The following STAG1 variants were observed in gnomAD, a reference collection of about 807,000 sequenced individuals.
STAG1 encodes cohesin subunit SA-1.
STAG1 carries 26 observed loss-of-function variants against 170.9 expected under a neutral mutation model. The observed-to-expected ratio is 0.15, with a 90% confidence interval of 0.11 to 0.21. The LOEUF (loss-of-function observed/expected upper bound fraction) is 0.21. Ranked by LOEUF, STAG1 falls within the 10% of genes least tolerant of loss-of-function variation. The pLI, the probability that STAG1 is intolerant of heterozygous loss-of-function variation, is 1.00. For synonymous variants in STAG1, 514 were observed against 497.7 expected, an observed-to-expected ratio of 1.03 and a Z score of -0.44; for missense variants, 964 against 1,509.5, an observed-to-expected ratio of 0.64 and a Z score of 5.99.
chr3:136,599,813 A>G (rs935145822), intron 4 of STAG1, among the ~76,000 whole-genome samples: 2 of 152,164 alleles, frequency 1.3e-5, no homozygotes, highest in Non-Finnish European at 2.9e-5. Context: ...CTCCTGTTCC[A>G]TATCTTGTTT....
chr3:136,440,244 T>C (rs1247988343), intron 15 of STAG1, among the ~76,000 whole-genome samples: 1 of 152,060 alleles, frequency 6.6e-6, no homozygotes, highest in Non-Finnish European at 1.5e-5. Context: ...TTTACACCAT[T>C]CTCCTGCCTC....
intron 4 of STAG1, among the ~76,000 whole-genome samples, chr3:136,581,493 T>C (rs1937589688): frequency 6.6e-6 from 1 of 152,164 alleles, no homozygotes; most frequent in Admixed American, 6.5e-5. Flanking sequence ...GAAACGCAAA[T>C]AGACCATTTT....
intron 29 of STAG1, among the ~76,000 whole-genome samples, chr3:136,347,217 GAA>G (rs1936260165): frequency 6.6e-6 from 1 of 151,528 alleles, no homozygotes; most frequent in South Asian, 2.1e-4. Flanking sequence ...CCAACATGGT[GAA>G]CCCCTATCTC....
intron 1 of STAG1, among the ~76,000 whole-genome samples, chr3:136,643,434 G>A (rs1036569472): frequency 1.3e-5 from 2 of 152,204 alleles, no homozygotes; most frequent in Non-Finnish European, 2.9e-5. Flanking sequence ...TATTTCTAAG[G>A]AGGTGACACT....
At chr3:136,521,641 C>A (rs1268332807) in intron 6 of STAG1, among the ~76,000 whole-genome samples, 4 of 152,132 alleles carry the variant, frequency 2.6e-5, no homozygotes, top group African/African-American at 9.7e-5. Context: ...GAACCAGCAT[C>A]TACTTTATTG....
chr3:136,504,026 C>A (rs756181862), intron 7 of STAG1, among the ~76,000 whole-genome samples: 2 of 152,032 alleles, frequency 1.3e-5, no homozygotes, highest in Non-Finnish European at 2.9e-5. Context: ...CATGAGCCAC[C>A]GCACCCGGCC....
chr3:136,365,258 G>T (rs1381568176), intron 25 of STAG1, among the ~76,000 whole-genome samples: 1 of 152,146 alleles, frequency 6.6e-6, no homozygotes, highest in African/African-American at 2.4e-5. Flanking sequence ...TATAAAAAGG[G>T]TAGGATAAAC....
intron 1 of STAG1, among the ~76,000 whole-genome samples, chr3:136,733,678 AG>A (rs1934169285): frequency 6.6e-6 from 1 of 152,216 alleles, no homozygotes; most frequent in African/African-American, 2.4e-5. Context: ...TGAACACATG[AG>A]ATTTTTAACT....
chr3:136,402,111 A>C (rs2087344191), intron 21 of STAG1, among the ~76,000 whole-genome samples: 1 of 152,244 alleles, frequency 6.6e-6, no homozygotes, highest in African/African-American at 2.4e-5. Context: ...GATAAACTAC[A>C]AACCATAAAG....
chr3:136,572,576 C>G (rs1256321978), intron 4 of STAG1, among the ~76,000 whole-genome samples: 1 of 138,906 alleles, frequency 7.2e-6, no homozygotes, highest in Non-Finnish European at 1.5e-5. Context: ...TGCACTGCAG[C>G]CTGGGTGACA....
chr3:136,432,524 G>T (rs557821002), intron 16 of STAG1, among the ~76,000 whole-genome samples: 3,513 of 143,066 alleles, frequency 0.025, 87 homozygotes, highest in Non-Finnish European at 0.04. Context: ...TGGGGGGGGG[G>T]GGGCACAGAG....
chr3:136,647,653 A>G (rs1481882830), intron 1 of STAG1, among the ~76,000 whole-genome samples: 1 of 152,146 alleles, frequency 6.6e-6, no homozygotes, highest in African/African-American at 2.4e-5. Context: ...CCAAGTCCCC[A>G]TGTCAATATT....
chr3:136,551,154 T>TTTTTTAAC (rs1936362526), intron 5 of STAG1, among the ~76,000 whole-genome samples: 1 of 151,146 alleles, frequency 6.6e-6, no homozygotes, highest in Non-Finnish European at 1.5e-5. Flanking sequence ...CTACATAAAT[T>TTTTTTAAC]TTTTTAACTC....
intron 5 of STAG1, among the ~76,000 whole-genome samples, chr3:136,560,109 T>A (rs575286985): frequency 2.6e-5 from 4 of 152,310 alleles, no homozygotes; most frequent in Non-Finnish European, 5.9e-5. Context: ...TTAGATTAAG[T>A]GCTCCTAGGT....
intron 6 of STAG1, among the ~76,000 whole-genome samples, chr3:136,526,137 T>C (rs1261629167): frequency 6.6e-6 from 1 of 152,174 alleles, no homozygotes; most frequent in Non-Finnish European, 1.5e-5. Flanking sequence ...CTGAGTTCAA[T>C]TCCTGGATAT....
chr3:136,745,768 C>T (rs1297316934), intron 1 of STAG1, among the ~76,000 whole-genome samples: 1 of 152,148 alleles, frequency 6.6e-6, no homozygotes, highest in African/African-American at 2.4e-5. Context: ...CCCTGGGCCA[C>T]ATTGGAAGAA....
chr3:136,719,144 A>AT (rs1559970293), intron 1 of STAG1, among the ~76,000 whole-genome samples: 1 of 152,328 alleles, frequency 6.6e-6, no homozygotes, highest in East Asian at 1.9e-4. Context: ...TGAAACTCAA[A>AT]TGTCCATGAA....
intron 1 of STAG1, among the ~76,000 whole-genome samples, chr3:136,667,966 T>C (rs553635829): frequency 9.9e-5 from 15 of 151,830 alleles, no homozygotes; most frequent in African/African-American, 3.4e-4. Flanking sequence ...GGCAGGCGGA[T>C]TGCTTGAGGC....
chr3:136,449,273 A>C (rs954239555), intron 14 of STAG1, among the ~76,000 whole-genome samples: 23 of 152,104 alleles, frequency 1.5e-4, no homozygotes, highest in Admixed American at 1.2e-3. Flanking sequence ...GAAAAATGCA[A>C]TACAGGGCCA....
Sources: gnomAD v4.1 joint callset for allele counts (sites outside exome capture counted in the v4.1 genomes callset) on GRCh38, gnomAD v4.1.1 for gene constraint, MANE v1.5 for transcripts, NCBI Gene and HGNC (gene_info 2026-07-23, HGNC 2026-07-21) for gene names.